The following MSRA variants were observed in gnomAD, a reference collection of about 807,000 sequenced individuals.
The protein encoded by MSRA is methionine sulfoxide reductase A, also known as mitochondrial peptide methionine sulfoxide reductase.
In MSRA, 54 loss-of-function variants were observed where a neutral mutation model predicts 31.3. The ratio of observed to expected loss-of-function variants is 1.73; its 90% CI spans 1.39 to 2.17. The LOEUF is 2.17. MSRA is among the 30% of genes most tolerant of loss of function. The pLI, the probability that MSRA is intolerant of heterozygous loss-of-function variation, is 0.00. For synonymous variants in MSRA, 169 were observed against 116.5 expected (o/e 1.45, Z -2.90); for missense variants, 507 against 300.9 (o/e 1.69, Z -5.07).
intron 1 of MSRA, among the ~76,000 whole-genome samples, chr8:10,192,658 C>A (rs1243340529): frequency 6.6e-6 from 1 of 152,188 alleles, no homozygotes; most frequent in Non-Finnish European, 1.5e-5. Flanking sequence ...GAAATGTATT[C>A]TTTTCCCCTA....
At chr8:10,401,799 C>T (rs189926125) in intron 5 of MSRA, among the ~76,000 whole-genome samples, 1 of 152,150 alleles carries the variant, frequency 6.6e-6, no homozygotes, top group African/African-American at 2.4e-5. Context: ...TGAAATAAGC[C>T]AGTTACAAAA....
intron 4 of MSRA, among the ~76,000 whole-genome samples, chr8:10,305,007 A>G (rs905143128): frequency 6.6e-6 from 1 of 152,258 alleles, no homozygotes; most frequent in Non-Finnish European, 1.5e-5. Flanking sequence ...TTGACATTTG[A>G]TGTGAAGATG....
At chr8:10,219,663 G>A (rs558205072) in intron 2 of MSRA, among the ~76,000 whole-genome samples, 121 of 151,856 alleles carry the variant, frequency 8.0e-4, no homozygotes, top group African/African-American at 2.4e-3. Context: ...AAAATTAGCT[G>A]GGCGTGGCGG....
Position 10,121,844 on chromosome 8 carries a change from A to AT in MSRA, c.142+67202dup, listed in dbSNP as rs35572639. Among the ~76,000 whole-genome samples the AT allele has an allele frequency of 5.5e-4, 81 of 146,886 alleles. 2 individuals carry two copies. The highest frequency in any genetic ancestry group is 1.1e-3 in the Admixed American group (17 of 14,872). Reference sequence around the variant, plus strand: ...CACCACCATACGCAACTAATTTTTAATTTTTTTTTTTTTTTTGGTAGAAAC... The same window carrying AT: ...CACCACCATACGCAACTAATTTTTAATTTTTTTTTTTTTTTTTGGTAGAAAC... On this transcript the variant is annotated intron_variant, in intron 1 of 5. Coordinates refer to ENST00000317173, the MANE Select transcript of MSRA (RefSeq NM_012331.5).
chr8:10,427,304 A>G (rs1256095544), intron 5 of MSRA, among the ~76,000 whole-genome samples: 1 of 152,210 alleles, frequency 6.6e-6, no homozygotes, highest in Non-Finnish European at 1.5e-5. Context: ...AGGGGAGAAG[A>G]AGCAGGCTGA....
chr8:10,358,325 C>T (rs910905644), intron 5 of MSRA, among the ~76,000 whole-genome samples: 9 of 152,230 alleles, frequency 5.9e-5, no homozygotes, highest in African/African-American at 1.7e-4. Flanking sequence ...ATAATAAGAG[C>T]GCTATACCAT....
At chr8:10,272,695 A>T (rs533956979) in intron 3 of MSRA, among the ~76,000 whole-genome samples, 260 of 152,314 alleles carry the variant, frequency 1.7e-3, no homozygotes, top group African/African-American at 5.6e-3. Flanking sequence ...CCTCAAACGA[A>T]TTCTACAGGA....
rs374697557 is a variant in MSRA, at chr8:10,428,169, G to A, written c.565G>A (p.Gly189Ser). The change falls in exon 6 of 6, where the codon GGC (glycine) becomes AGC (serine). Residue 189 changes from glycine to serine, a missense_variant. Physicochemically the swap from Gly to Ser is moderately conservative, Grantham distance 56. Coordinates refer to ENST00000317173, the MANE Select transcript of MSRA (RefSeq NM_012331.5). Reference sequence around the variant, plus strand: ...ACAGGTTCTTTCAGAGCACGGCTTCGGCCCCATCACTACCGACATCCGGGA... The same window carrying A: ...ACAGGTTCTTTCAGAGCACGGCTTCAGCCCCATCACTACCGACATCCGGGA... The part of the protein sequence containing the change: ...YQKVLSEHGF[G>S]PITTDIREGQ... 1.7e-5 allele frequency: 28 copies of A among 1,613,858 alleles called. No homozygotes were observed. The highest frequency in any genetic ancestry group is 3.3e-4 in the Middle Eastern group (2 of 6,060).
intron 1 of MSRA, among the ~76,000 whole-genome samples, chr8:10,143,758 C>T (rs1054595476): frequency 2.6e-5 from 4 of 152,168 alleles, no homozygotes; most frequent in Non-Finnish European, 5.9e-5. Flanking sequence ...GAAGGGCAAG[C>T]ACCATTTTGC....
intron 1 of MSRA, among the ~76,000 whole-genome samples, chr8:10,087,969 C>G (rs1057229065): frequency 7.9e-5 from 12 of 152,142 alleles, no homozygotes; most frequent in Middle Eastern, 3.2e-3. Context: ...CTTTTAATGG[C>G]AAATACTTCA....
chr8:10,305,232 T>G (rs1248769194), intron 4 of MSRA, among the ~76,000 whole-genome samples: 1 of 152,146 alleles, frequency 6.6e-6, no homozygotes, highest in Non-Finnish European at 1.5e-5. Context: ...ATGGTCTTAC[T>G]GTAGTAGAAA....
chr8:10,313,147 G>C (rs1044635531), intron 4 of MSRA, among the ~76,000 whole-genome samples: 3 of 152,194 alleles, frequency 2.0e-5, no homozygotes, highest in African/African-American at 7.2e-5. Flanking sequence ...AGTGGAATGA[G>C]GAAGAAGTGA....
intron 1 of MSRA, among the ~76,000 whole-genome samples, chr8:10,130,911 G>A (rs544840118): frequency 2.9e-4 from 44 of 152,190 alleles, no homozygotes; most frequent in Non-Finnish European, 5.4e-4. Flanking sequence ...AGATGCTAAA[G>A]CCAGGATATA....
At chr8:10,386,494 T>C (rs1039171212) in intron 5 of MSRA, among the ~76,000 whole-genome samples, 1 of 152,188 alleles carries the variant, frequency 6.6e-6, no homozygotes, top group Non-Finnish European at 1.5e-5. Flanking sequence ...GAAAGGTATT[T>C]CAAGGCCGTG....
chr8:10,316,212 C>T (rs28587507), intron 4 of MSRA, among the ~76,000 whole-genome samples: 1 of 150,596 alleles, frequency 6.6e-6, no homozygotes, highest in Non-Finnish European at 1.5e-5. Context: ...ATCTTTCATA[C>T]ATCCCTATAT....
At chr8:10,229,643 T>A (rs1187506157) in intron 2 of MSRA, among the ~76,000 whole-genome samples, 2 of 152,086 alleles carry the variant, frequency 1.3e-5, no homozygotes, top group East Asian at 3.9e-4. Flanking sequence ...ACTGAGTACC[T>A]CATAGATGAA....
intron 3 of MSRA, among the ~76,000 whole-genome samples, chr8:10,299,552 TTAA>T (rs1320310612): frequency 6.6e-6 from 1 of 152,056 alleles, no homozygotes; most frequent in Non-Finnish European, 1.5e-5. Context: ...GACTAGCCAA[TTAA>T]TAATAAAATA....
At chr8:10,104,176 C>G (rs762075847) in intron 1 of MSRA, among the ~76,000 whole-genome samples, 12 of 152,162 alleles carry the variant, frequency 7.9e-5, no homozygotes, top group Non-Finnish European at 1.8e-4. Context: ...TCCTACACAT[C>G]TGGGTGATCT....
intron 1 of MSRA, among the ~76,000 whole-genome samples, chr8:10,145,164 C>T (rs1310658138): frequency 3.3e-5 from 5 of 152,176 alleles, no homozygotes; most frequent in African/African-American, 1.2e-4. Context: ...GAGTCAAACT[C>T]CAGGGACAGG....
Sources: gnomAD v4.1 joint callset for allele counts (sites outside exome capture counted in the v4.1 genomes callset) on GRCh38, gnomAD v4.1.1 for gene constraint, MANE v1.5 for transcripts, NCBI Gene and HGNC (gene_info 2026-07-23, HGNC 2026-07-21) for gene names.